GRIK1: variants seen among roughly 807,000 people sequenced by gnomAD.
GRIK1 encodes the protein glutamate receptor ionotropic, kainate 1.
GRIK1 carries 69 observed loss-of-function variants against 105.7 expected under a neutral mutation model. The ratio of observed to expected loss-of-function variants is 0.65; its 90% confidence interval spans 0.54 to 0.80. GRIK1 has a LOEUF of 0.80. GRIK1 is among the 30% of genes least tolerant of loss of function. The pLI is 0.00. For missense variants in GRIK1, 1,109 were observed against 1,167.3 expected (o/e 0.95, Z 0.73); for synonymous variants, 438 against 431.3 (o/e 1.02, Z -0.19).
rs138013048 is a variant in GRIK1 at position 29,661,217 on chromosome 21, C to T, written c.727-6354G>A. Among the ~76,000 whole-genome samples, 65 of 152,262 alleles carry T rather than the reference C, an allele frequency of 4.3e-4. 2 individuals carry two copies. The highest frequency in any genetic ancestry group is 1.5e-3 in the African/African-American group (61 of 41,538). On this transcript the variant is annotated intron_variant, in intron 4 of 17. Transcript: ENST00000327783. Reference sequence around the variant, plus strand: ...ATATACAGAAAATAGCATTTGACACCAGAAAAATCCTGATATACAGAAAGA... The same window carrying T: ...ATATACAGAAAATAGCATTTGACACTAGAAAAATCCTGATATACAGAAAGA...
intron 1 of GRIK1, among the ~76,000 whole-genome samples, chr21:29,843,161 C>T (rs1177902412): frequency 6.6e-6 from 1 of 152,050 alleles, no homozygotes; most frequent in African/African-American, 2.4e-5. Context: ...TGTCAAAGTA[C>T]CATATTTTAA....
intron 14 of GRIK1, among the ~76,000 whole-genome samples, chr21:29,573,103 G>A (rs1470560506): frequency 6.6e-6 from 1 of 152,054 alleles, no homozygotes; most frequent in African/African-American, 2.4e-5. Context: ...GATAAAATGA[G>A]GTAACACAGG....
intron 1 of GRIK1, among the ~76,000 whole-genome samples, chr21:29,907,084 T>G (rs980253638): frequency 1.3e-5 from 2 of 151,930 alleles, no homozygotes; most frequent in African/African-American, 4.8e-5. Flanking sequence ...AGCATGCACC[T>G]TCAATTCACT....
chr21:29,548,198 C>T (rs1166543426), intron 16 of GRIK1, among the ~76,000 whole-genome samples: 1 of 152,106 alleles, frequency 6.6e-6, no homozygotes, highest in Non-Finnish European at 1.5e-5. Context: ...TTGTTGTGTA[C>T]TTTGGGCCAT....
At chr21:29,926,749 T>G (rs2071385069) in intron 1 of GRIK1, among the ~76,000 whole-genome samples, 1 of 152,160 alleles carries the variant, frequency 6.6e-6, no homozygotes, top group African/African-American at 2.4e-5. Flanking sequence ...TCTTTACAAT[T>G]TATTTATCAT....
chr21:29,689,715 G>A lies in GRIK1; in HGVS notation c.544+13C>T. On this transcript the variant is annotated intron_variant, in intron 3 of 17. Coordinates refer to ENST00000327783, the MANE Select transcript of GRIK1 (RefSeq NM_001330994.2). ...CAGACATGGTCGGGTGAGGTCTTGTGTGAGTCCCATACCTGTGCTGTCTTC... is the reference window on the plus strand; with the variant it reads ...CAGACATGGTCGGGTGAGGTCTTGTATGAGTCCCATACCTGTGCTGTCTTC... The A allele has an allele frequency of 6.2e-7, 1 of 1,612,510 alleles. No individual in the cohort carries two copies. The highest frequency in any genetic ancestry group is 1.1e-5 in the South Asian group (1 of 91,032).
At chr21:29,637,605 C>A (rs1269480055) in intron 7 of GRIK1, among the ~76,000 whole-genome samples, 1 of 152,190 alleles carries the variant, frequency 6.6e-6, no homozygotes, top group African/African-American at 2.4e-5. Flanking sequence ...GCCCCTTTCA[C>A]CATGTGAGGA....
At chr21:29,605,439 AC>A (rs1368141931) in intron 7 of GRIK1, among the ~76,000 whole-genome samples, 1 of 152,038 alleles carries the variant, frequency 6.6e-6, no homozygotes, top group African/African-American at 2.4e-5. Flanking sequence ...GTGTATATAT[AC>A]CACATTTTCT....
Position 29,734,300 on chromosome 21 carries a change from A to T in GRIK1, c.119-40237T>A, listed in dbSNP as rs185795659. ...TTTGGCCCATTGGTCCACTTCCCAC[A>T]CTACAGACAGAGTGATCCTTTTAAT... On this transcript the variant is annotated intron_variant, in intron 1 of 17. Coordinates refer to ENST00000327783, the MANE Select transcript of GRIK1 (RefSeq NM_001330994.2). Among the ~76,000 whole-genome samples, 459 of 152,142 alleles carry T rather than the reference A, an allele frequency of 3.0e-3. 1 individual carries two copies. Among genetic ancestry groups the T allele is most frequent in the Non-Finnish European group, 3.9e-3 (263 of 68,006 alleles).
intron 1 of GRIK1, among the ~76,000 whole-genome samples, chr21:29,738,227 T>C (rs144669395): frequency 6.6e-6 from 1 of 152,366 alleles, no homozygotes; most frequent in Admixed American, 6.5e-5. Flanking sequence ...CTCCTAATTC[T>C]CCCACTTTAT....
chr21:29,662,631 CAG>C (rs1357133880), intron 4 of GRIK1, among the ~76,000 whole-genome samples: 2 of 152,018 alleles, frequency 1.3e-5, no homozygotes, highest in Non-Finnish European at 1.5e-5. Context: ...GAAGGAGAGA[CAG>C]GGGTGCAGCC....
chr21:29,802,486 G>C (rs926221257), intron 1 of GRIK1, among the ~76,000 whole-genome samples: 1 of 151,866 alleles, frequency 6.6e-6, no homozygotes, highest in Admixed American at 6.6e-5. Flanking sequence ...TATTGCTCTT[G>C]TTACTTTCCT....
chr21:29,785,431 G>T (rs536310249), intron 1 of GRIK1, among the ~76,000 whole-genome samples: 31 of 152,102 alleles, frequency 2.0e-4, no homozygotes, highest in Middle Eastern at 3.4e-3. Flanking sequence ...GATCATGGTG[G>T]TGTGAGCCTG....
chr21:29,913,119 C>A (rs369024393), intron 1 of GRIK1, among the ~76,000 whole-genome samples: 10 of 152,040 alleles, frequency 6.6e-5, no homozygotes, highest in African/African-American at 2.4e-4. Context: ...CATTGAATTC[C>A]AGTCCAAAGC....
chr21:29,619,701 T>C (rs1222851962), intron 7 of GRIK1, among the ~76,000 whole-genome samples: 1 of 152,192 alleles, frequency 6.6e-6, no homozygotes, highest in Non-Finnish European at 1.5e-5. Flanking sequence ...ATGATCATAC[T>C]GTACCACTTG....
Position 29,598,469 on chromosome 21 carries a change from C to T in GRIK1, c.1206+361G>A, listed in dbSNP as rs965216977. Among the ~76,000 whole-genome samples, 6 of 152,146 alleles carry T rather than the reference C, an allele frequency of 3.9e-5. No individual in the cohort carries two copies. In the East Asian group the frequency reaches 7.7e-4, roughly 20 times the overall value. Reference sequence around the variant, plus strand: ...GGGTAACCCTTGGATGCCATTCCATCGATAAACCATTGATAGCTTCTGCTT... The same window carrying T: ...GGGTAACCCTTGGATGCCATTCCATTGATAAACCATTGATAGCTTCTGCTT... On this transcript the variant is annotated intron_variant, in intron 8 of 17. Coordinates refer to ENST00000327783, the MANE Select transcript of GRIK1 (RefSeq NM_001330994.2).
At chr21:29,730,286 T>A (rs1191046649) in intron 1 of GRIK1, among the ~76,000 whole-genome samples, 1 of 152,148 alleles carries the variant, frequency 6.6e-6, no homozygotes, top group South Asian at 2.1e-4. Context: ...CAGAAGGAAA[T>A]TTTATCTGTT....
intron 1 of GRIK1, among the ~76,000 whole-genome samples, chr21:29,934,044 G>A (rs1034972225): frequency 2.0e-5 from 3 of 152,074 alleles, no homozygotes; most frequent in African/African-American, 7.2e-5. Context: ...AACAACGAAA[G>A]AGGATTGAGA....
intron 7 of GRIK1, among the ~76,000 whole-genome samples, chr21:29,601,934 A>T (rs2061526282): frequency 5.6e-5 from 1 of 17,814 alleles, no homozygotes; most frequent in South Asian, 3.4e-3. Context: ...ACAAAATTTT[A>T]TTAATTTGTG....
Sources: gnomAD v4.1 joint callset for allele counts (sites outside exome capture counted in the v4.1 genomes callset) on GRCh38, gnomAD v4.1.1 for gene constraint, MANE v1.5 for transcripts, NCBI Gene and HGNC (gene_info 2026-07-23, HGNC 2026-07-21) for gene names.